CDH26: variants seen among roughly 807,000 people sequenced by gnomAD.
The protein encoded by CDH26 is cadherin 26, also known as cadherin-like protein 26.
In CDH26, 83 loss-of-function variants were observed where a neutral mutation model predicts 90.3. That is an observed-to-expected ratio of 0.92 (90% CI 0.77 to 1.10). The LOEUF is 1.10. CDH26 is among the 50% of genes least tolerant of loss of function. The pLI, the probability that CDH26 is intolerant of heterozygous loss-of-function variation, is 0.00. For synonymous variants in CDH26, 397 were observed against 396.3 expected (o/e 1.00, Z -0.02); for missense variants, 1,013 against 1,037.6 (o/e 0.98, Z 0.33).
intron 7 of CDH26, among the ~76,000 whole-genome samples, chr20:60,023,960 GGAGAGA>G (rs11086691): frequency 1.4e-5 from 2 of 147,204 alleles, no homozygotes; most frequent in African/African-American, 2.5e-5. Flanking sequence ...GCTGACAGAG[GGAGAGA>G]GAGAGAGAGA....
At chr20:59,979,575 T>C (rs1473692702) in intron 4 of CDH26, among the ~76,000 whole-genome samples, 1 of 148,822 alleles carries the variant, frequency 6.7e-6, no homozygotes, top group Non-Finnish European at 1.5e-5. Flanking sequence ...CTCTTTTCAA[T>C]TGTGGTGAGA....
chr20:60,026,694 G>A lies in CDH26; in HGVS notation c.948-4537G>A, dbSNP rs564014953. On this transcript the variant is annotated intron_variant, in intron 7 of 8. Coordinates refer to the CDH26 transcript ENST00000370991. Reference sequence around the variant, plus strand: ...TCTCCCCCAGAGCCTGTAGGAAGGAGTGCAGCCTGGCTGATGCCTTGACTT... The same window carrying A: ...TCTCCCCCAGAGCCTGTAGGAAGGAATGCAGCCTGGCTGATGCCTTGACTT... Among the ~76,000 whole-genome samples, 3 of 152,338 alleles carry A rather than the reference G, an allele frequency of 2.0e-5. No homozygotes were observed. The South Asian group carries it at 6.2e-4, about 32-fold the overall frequency.
rs2061266779 is a variant in CDH26, at chr20:59,971,960, A to C, written c.232-2A>C. 8 of 1,610,002 alleles carry C rather than the reference A, an allele frequency of 5.0e-6. No homozygotes were observed. The highest frequency in any genetic ancestry group is 6.8e-6 in the Non-Finnish European group (8 of 1,177,692). ...TCTTCTTTCCATTTTTCCTCCTTCCAGCTGTTCAATAATATGTCTTATAAC... is the reference window on the plus strand; with the variant it reads ...TCTTCTTTCCATTTTTCCTCCTTCCCGCTGTTCAATAATATGTCTTATAAC... On this transcript the variant is annotated splice_acceptor_variant, in intron 3 of 17. Coordinates refer to ENST00000348616, the MANE Select transcript of CDH26 (RefSeq NM_177980.4). LOFTEE classifies it high-confidence loss of function.
intron 11 of CDH26, 50 bp from the exon 12 acceptor site, chr20:59,995,775 TTGAGCAGA>T: frequency 2.7e-6 from 4 of 1,495,672 alleles, no homozygotes; most frequent in Admixed American, 1.7e-5. Context: ...TAAGCGTGTG[TTGAGCAGA>T]TGAGCAGATG....
rs755873392 is a variant in CDH26, at chr20:59,996,757, C to T, written c.2015C>T (p.Ala672Val). 1.8e-5 allele frequency: 29 copies of T among 1,614,090 alleles called. No individual in the cohort carries two copies. The highest frequency in any genetic ancestry group is 2.1e-5 in the Non-Finnish European group (25 of 1,180,048). Residue 672 changes from alanine (A) to valine (V), a missense_variant, in exon 13 of 18, where the codon GCC (alanine) becomes GTC (valine). Transcript: ENST00000348616. ...AATGCGGAGAGCAAAGGCACTTCAG[C>T]CCAGGTAGTGGAATGTCATGCTTTG... ...MYNAESKGTS[A>V]QTWSDVEGQR...
chr20:60,022,290 A>AT (rs1247620247), intron 7 of CDH26, among the ~76,000 whole-genome samples: 2 of 152,220 alleles, frequency 1.3e-5, no homozygotes, highest in African/African-American at 4.8e-5. Flanking sequence ...AATAGTAAAT[A>AT]TTTTCAGAGA....
chr20:59,972,957 G>T (rs568458135), intron 4 of CDH26, among the ~76,000 whole-genome samples: 2 of 152,256 alleles, frequency 1.3e-5, no homozygotes, highest in African/African-American at 4.8e-5. Flanking sequence ...GGTGAAAATT[G>T]TTCTAAAACT....
At chr20:59,994,077 C>G in intron 10 of CDH26, 173 bp from the exon 11 acceptor site, 1 of 746,584 alleles carries the variant, frequency 1.3e-6, no homozygotes, top group Non-Finnish European at 2.1e-6. Flanking sequence ...ATTCTGAATG[C>G]TCATAAAAGC....
intron 8 of CDH26, among the ~76,000 whole-genome samples, chr20:59,988,452 C>A (rs1479980196): frequency 6.6e-6 from 1 of 152,238 alleles, no homozygotes; most frequent in East Asian, 1.9e-4. Context: ...AATAGCAAGG[C>A]TCTGTAGACG....
chr20:60,001,394 T>G lies in CDH26; in HGVS notation c.2149T>G (p.Cys717Gly), dbSNP rs41314912. The change falls in exon 15 of 18, where the codon TGT (cysteine) becomes GGT (glycine). Residue 717 changes from cysteine to glycine, a missense_variant. Coordinates refer to ENST00000348616, the MANE Select transcript of CDH26 (RefSeq NM_177980.4). Reference protein sequence around the residue: ...SAASQSAQARCALGSWGYGKP... With the variant: ...SAASQSAQARGALGSWGYGKP... ...AGCGAGTCAGTCAGCCCAAGCACGC[T>G]GTGCTCTGGGGAGCTGGGTGAGTTC... 31,670 of 1,613,998 alleles carry G rather than the reference T, an allele frequency of 0.02. 390 individuals are homozygous for G. Among genetic ancestry groups the G allele is most frequent in the South Asian group, 0.04 (3,599 of 91,060 alleles).
chr20:60,013,339 G>C lies in CDH26; in HGVS notation c.*609G>C, dbSNP rs775268026. ...CAGTATACTCTTTAAAAAATGAAGA[G>C]CTGACATAATTTAACTTGTATGTAT... is the stretch of plus-strand genomic sequence containing the variant. On this transcript the variant is annotated 3_prime_UTR_variant, in exon 18 of 18. Coordinates refer to ENST00000348616, the MANE Select transcript of CDH26 (RefSeq NM_177980.4). The C allele has an allele frequency of 3.9e-5, 6 of 152,198 alleles. No individual in the cohort carries two copies. Among genetic ancestry groups the C allele is most frequent in the Non-Finnish European group, 8.8e-5 (6 of 68,018 alleles). 9.4% of individuals were successfully genotyped at this position (152,198 alleles called of 1,614,324 possible).
chr20:59,988,134 A>G (rs970429520), intron 8 of CDH26, among the ~76,000 whole-genome samples: 1 of 152,218 alleles, frequency 6.6e-6, no homozygotes, highest in Non-Finnish European at 1.5e-5. Context: ...GGAAGAAAGT[A>G]TTAATATTAC....
chr20:59,958,737 G>A lies in CDH26; in HGVS notation c.11G>A (p.Arg4Lys). 1 of 1,614,210 alleles carries A rather than the reference G, an allele frequency of 6.2e-7. No homozygotes were observed. Among genetic ancestry groups the A allele is most frequent in the South Asian group, 1.1e-5 (1 of 91,084 alleles). The change falls in exon 1 of 18, where the codon AGA (arginine) becomes AAA (lysine). Residue 4 changes from arginine (R) to lysine (K), a missense_variant. Coordinates refer to ENST00000348616, the MANE Select transcript of CDH26 (RefSeq NM_177980.4). ...CTTGGGTATTCCCATATGGCCATGA[G>A]ATCCGGGAGGCACCCCTCGCTGCTG... MAM[R>K]SGRHPSLLLL...
chr20:59,996,887 A>G (rs930079394), intron 13 of CDH26, 126 bp downstream of exon 13: 1 of 1,264,402 alleles, frequency 7.9e-7, no homozygotes, highest in Non-Finnish European at 1.1e-6. Context: ...TTCAGTAGCA[A>G]GTGGGAAAAA....
chr20:59,988,215 A>C (rs993528530), intron 8 of CDH26, among the ~76,000 whole-genome samples: 1 of 152,160 alleles, frequency 6.6e-6, no homozygotes, highest in Non-Finnish European at 1.5e-5. Flanking sequence ...ACACAGCTTG[A>C]GGGGTGGAGT....
At chr20:59,960,210 A>T (rs1039057074) in intron 1 of CDH26, among the ~76,000 whole-genome samples, 1 of 152,202 alleles carries the variant, frequency 6.6e-6, no homozygotes, top group African/African-American at 2.4e-5. Flanking sequence ...CTGACCTGGG[A>T]GTGCACTGGG....
intron 8 of CDH26, among the ~76,000 whole-genome samples, chr20:60,031,742 G>A (rs1341154975): frequency 1.3e-5 from 2 of 152,218 alleles, no homozygotes. Context: ...CTGGCTCACA[G>A]CCTCTTGGGA....
intron 13 of CDH26, among the ~76,000 whole-genome samples, chr20:59,998,751 C>T (rs2061636026): frequency 6.6e-6 from 1 of 152,098 alleles, no homozygotes; most frequent in South Asian, 2.1e-4. Context: ...ATAAAGTGAG[C>T]TTGATAGTCT....
chr20:60,020,584 T>G (rs1010718793), intron 7 of CDH26, among the ~76,000 whole-genome samples: 3 of 152,132 alleles, frequency 2.0e-5, no homozygotes, highest in African/African-American at 7.2e-5. Flanking sequence ...CATGTGGGCT[T>G]GGTGGAATGA....
Sources: gnomAD v4.1 joint callset for allele counts (sites outside exome capture counted in the v4.1 genomes callset) on GRCh38, gnomAD v4.1.1 for gene constraint, MANE v1.5 for transcripts, NCBI Gene and HGNC (gene_info 2026-07-23, HGNC 2026-07-21) for gene names.